Variants in NCR1 observed in about 807,000 individuals in gnomAD.
The protein encoded by NCR1 is NK cell-activating receptor.
In NCR1, 30 loss-of-function variants were observed where a neutral mutation model predicts 32.5. The ratio of observed to expected loss-of-function variants is 0.92; its 90% confidence interval spans 0.69 to 1.25. The LOEUF (loss-of-function observed/expected upper bound fraction) is 1.25. NCR1 is among the 50% of genes most tolerant of loss of function. NCR1 has a pLI of 0.00. For missense variants in NCR1, 369 were observed against 380.7 expected, an observed-to-expected ratio of 0.97 and a Z score of 0.26; for synonymous variants, 169 against 143.4, an observed-to-expected ratio of 1.18 and a Z score of -1.28.
chr19:54,926,916 T>A, the NCR1 span, among the ~76,000 whole-genome samples: 633 of 26,630 alleles, frequency 0.024, 97 homozygotes, highest in Middle Eastern at 0.19. Context: ...ACTCTGTCTT[T>A]AAAAAAAAAA....
chr19:54,898,883 T>C, the NCR1 span, among the ~76,000 whole-genome samples: 213 of 152,158 alleles, frequency 1.4e-3, 2 homozygotes, highest in Non-Finnish European at 1.2e-3. Flanking sequence ...AACTGTAAGC[T>C]GGACCGGGTG....
the NCR1 span, chr19:54,923,464 C>CAT: frequency 3.8e-6 from 2 of 521,904 alleles, no homozygotes; most frequent in Non-Finnish European, 6.9e-6. Flanking sequence ...CACAGAGTAC[C>CAT]ATGTTTATTG....
At chr19:54,923,945 T>C in the NCR1 span, 1 of 1,513,202 alleles carries the variant, frequency 6.6e-7, no homozygotes. Context: ...AATATCTGTT[T>C]TCAAACACTC....
chr19:54,913,992 C>T (rs538543721), downstream of NCR1, among the ~76,000 whole-genome samples: 405 of 151,152 alleles, frequency 2.7e-3, 3 homozygotes, highest in African/African-American at 9.0e-3. Flanking sequence ...AGCTTGAACC[C>T]GGGAGGCGGA....
rs1305268674 is a variant in NCR1, at chr19:54,906,506, C to A, written c.71-17C>A. 2 of 1,602,700 alleles carry A rather than the reference C, an allele frequency of 1.2e-6. No individual in the cohort carries two copies. The highest frequency in any genetic ancestry group is 1.7e-6 in the Non-Finnish European group (2 of 1,179,096). ...GAGGGGGCTCCGCTGGAACTCCAGC[C>A]TCTGATTCCCTTCCAGAGACTCTCC... On this transcript the variant is annotated splice_polypyrimidine_tract_variant and intron_variant, in intron 2 of 6. Transcript: ENST00000291890.
At chr19:54,914,167 T>C (rs1446244031), downstream of NCR1, among the ~76,000 whole-genome samples, 1 of 134,944 alleles carries the variant, frequency 7.4e-6, no homozygotes, top group East Asian at 2.6e-4. Flanking sequence ...TCTCTTCCTT[T>C]TTTTTTTTTT....
At chr19:54,900,286 C>T in the NCR1 span, among the ~76,000 whole-genome samples, 1 of 152,096 alleles carries the variant, frequency 6.6e-6, no homozygotes, top group Admixed American at 6.5e-5. Context: ...GAAAGAGAGT[C>T]AGCAAAGGGA....
chr19:54,929,123 CT>C, the NCR1 span, among the ~76,000 whole-genome samples: 1 of 152,246 alleles, frequency 6.6e-6, no homozygotes, highest in African/African-American at 2.4e-5. Context: ...AATCCCAGCA[CT>C]TTGGGAGGTT....
intron 6 of NCR1, 104 bp from the exon 7 acceptor site, chr19:54,912,586 T>G (rs2068026041): frequency 3.4e-6 from 3 of 894,470 alleles, no homozygotes; most frequent in African/African-American, 4.3e-5. Flanking sequence ...GCGACAAGAC[T>G]GAGGCTCTGT....
chr19:54,935,090 G>A, the NCR1 span, among the ~76,000 whole-genome samples: 1 of 152,126 alleles, frequency 6.6e-6, no homozygotes, highest in Non-Finnish European at 1.5e-5. Flanking sequence ...AATTACTGGA[G>A]AGATCTAATG....
chr19:54,912,228 C>T lies in NCR1; in HGVS notation c.733+10C>T. ...ACGGGACTCCAGAAAGGTAAGTAGA[C>T]AGCTGGGGCCATAGGCTCTGAAGGA... On this transcript the variant is annotated intron_variant, in intron 6 of 6. Coordinates refer to ENST00000291890, the MANE Select transcript of NCR1 (RefSeq NM_004829.7). 1.2e-6 allele frequency: 2 copies of T among 1,613,048 alleles called. No individual in the cohort carries two copies. The highest frequency in any genetic ancestry group is 2.2e-5 in the East Asian group (1 of 44,884).
At chr19:54,913,453 T>C (rs909461398), downstream of NCR1, among the ~76,000 whole-genome samples, 1 of 152,254 alleles carries the variant, frequency 6.6e-6, no homozygotes, top group African/African-American at 2.4e-5. Flanking sequence ...TCTGGTCTTT[T>C]CTGAAAAGAT....
downstream of NCR1, among the ~76,000 whole-genome samples, chr19:54,917,614 C>T (rs2068162422): frequency 6.6e-6 from 1 of 152,136 alleles, no homozygotes; most frequent in Non-Finnish European, 1.5e-5. Flanking sequence ...CGCACCCAGC[C>T]TAGGATCCTG....
chr19:54,933,738 A>G, the NCR1 span: 7 of 1,613,876 alleles, frequency 4.3e-6, no homozygotes, highest in Non-Finnish European at 5.9e-6. Context: ...CAGTTTTCCA[A>G]CCTGCAAAAA....
the NCR1 span, among the ~76,000 whole-genome samples, chr19:54,925,276 C>T: frequency 2.1e-3 from 313 of 152,232 alleles, no homozygotes; most frequent in Non-Finnish European, 3.6e-3. Flanking sequence ...TTACAGACCT[C>T]GGTCCCACCA....
At chr19:54,915,736 G>A (rs968033387), downstream of NCR1, 4 of 151,370 alleles carry the variant, frequency 2.6e-5, no homozygotes, top group Admixed American at 6.6e-5. Context: ...TAGCTACTCA[G>A]AAGGCTGAGG....
chr19:54,930,896 G>A, the NCR1 span, among the ~76,000 whole-genome samples: 1 of 152,010 alleles, frequency 6.6e-6, no homozygotes, highest in South Asian at 2.1e-4. Flanking sequence ...GGTGGTGCAC[G>A]CCTGTAGTGC....
At chr19:54,919,011 T>C (rs1251435290), downstream of NCR1, among the ~76,000 whole-genome samples, 2 of 150,980 alleles carry the variant, frequency 1.3e-5, no homozygotes, top group African/African-American at 4.9e-5. Flanking sequence ...TGAGAACATA[T>C]GGATTCTACT....
At chr19:54,901,357 T>G (rs1202530702), upstream of NCR1, among the ~76,000 whole-genome samples, 1 of 53,372 alleles carries the variant, frequency 1.9e-5, no homozygotes, top group Non-Finnish European at 3.5e-5. Flanking sequence ...CGAGAGTCCA[T>G]CTCAAAAAAA....
Sources: allele counts gnomAD v4.1 joint callset (sites outside exome capture counted in the v4.1 genomes callset), GRCh38; gene constraint gnomAD v4.1.1; transcripts MANE v1.5; gene names NCBI Gene and HGNC (gene_info 2026-07-23, HGNC 2026-07-21).